Variants in KAZN observed in about 807,000 individuals in gnomAD.
KAZN encodes kazrin, periplakin interacting protein, also known as kazrin.
In KAZN, 40 loss-of-function variants were observed where a neutral mutation model predicts 87.4. That is an observed-to-expected ratio of 0.46 (90% CI 0.36 to 0.60). The LOEUF (loss-of-function observed/expected upper bound fraction) is 0.60. Among genes scored for constraint, KAZN ranks in the 20% least tolerant of loss-of-function variants. KAZN has a pLI of 0.00. For missense variants in KAZN, 898 were observed against 1,073.9 expected (o/e 0.84, Z 2.29); for synonymous variants, 466 against 458.3 (o/e 1.02, Z -0.22).
intron 1 of KAZN, among the ~76,000 whole-genome samples, chr1:14,128,191 G>C (rs1644914453): frequency 6.6e-6 from 1 of 152,120 alleles, no homozygotes; most frequent in African/African-American, 2.4e-5. Context: ...GTTTCTCAGG[G>C]GATAAGGTGG....
chr1:13,996,397 G>A (rs1233561009), intron 1 of KAZN, among the ~76,000 whole-genome samples: 2 of 152,162 alleles, frequency 1.3e-5, no homozygotes, highest in African/African-American at 4.8e-5. Context: ...CTCGAGGGAG[G>A]AGCAGCAGCC....
intron 1 of KAZN, among the ~76,000 whole-genome samples, chr1:13,980,677 G>T (rs1220254843): frequency 1.3e-5 from 2 of 152,126 alleles, no homozygotes; most frequent in Non-Finnish European, 2.9e-5. Flanking sequence ...CAGGGCTAGA[G>T]ATTTTAAGAT....
At chr1:13,964,410 T>A (rs1205366228) in intron 1 of KAZN, among the ~76,000 whole-genome samples, 1 of 152,210 alleles carries the variant, frequency 6.6e-6, no homozygotes, top group Non-Finnish European at 1.5e-5. Context: ...CCTGATGGCT[T>A]AAAACAACAA....
At chr1:14,801,084 G>A (rs1239989031) in intron 1 of KAZN, among the ~76,000 whole-genome samples, 3 of 151,708 alleles carry the variant, frequency 2.0e-5, no homozygotes, top group Non-Finnish European at 4.4e-5. Flanking sequence ...GAGAAAAAGA[G>A]TCACGGGGCG....
intron 8 of KAZN, among the ~76,000 whole-genome samples, chr1:15,084,901 T>G (rs1341206502): frequency 6.6e-6 from 1 of 152,152 alleles, no homozygotes; most frequent in Non-Finnish European, 1.5e-5. Context: ...TTAGTAATTA[T>G]CAATACCAAA....
At chr1:13,967,934 C>T (rs1642003097) in intron 1 of KAZN, among the ~76,000 whole-genome samples, 1 of 152,164 alleles carries the variant, frequency 6.6e-6, no homozygotes, top group South Asian at 2.1e-4. Context: ...CATTGGAGCT[C>T]CTGCCTCTTT....
intron 1 of KAZN, among the ~76,000 whole-genome samples, chr1:14,608,553 T>A (rs1280670937): frequency 1.3e-5 from 2 of 152,162 alleles, no homozygotes; most frequent in Non-Finnish European, 2.9e-5. Flanking sequence ...TACAACTGTT[T>A]GGATAGATTG....
chr1:15,010,705 A>T (rs535757962), intron 2 of KAZN, among the ~76,000 whole-genome samples: 10 of 152,020 alleles, frequency 6.6e-5, no homozygotes, highest in Admixed American at 5.2e-4. Flanking sequence ...TGCTTTTGTG[A>T]TATTGGCAGC....
intron 2 of KAZN, among the ~76,000 whole-genome samples, chr1:14,572,752 C>A (rs1464059349): frequency 3.3e-5 from 5 of 152,130 alleles, no homozygotes; most frequent in African/African-American, 1.2e-4. Flanking sequence ...GCCCCCCACT[C>A]CCCTGGAAGA....
At chr1:15,079,433 T>C (rs1052421198) in intron 8 of KAZN, among the ~76,000 whole-genome samples, 2 of 152,194 alleles carry the variant, frequency 1.3e-5, no homozygotes, top group African/African-American at 4.8e-5. Flanking sequence ...TTGTCACAAT[T>C]CAATACTGTT....
intron 2 of KAZN, among the ~76,000 whole-genome samples, chr1:14,542,990 G>C: frequency 6.6e-6 from 1 of 151,290 alleles, no homozygotes; most frequent in Non-Finnish European, 1.5e-5. Context: ...AATAGCATTG[G>C]GTTGGGGGGG....
intron 2 of KAZN, among the ~76,000 whole-genome samples, chr1:14,194,948 C>A (rs556690276): frequency 2.6e-5 from 4 of 152,098 alleles, no homozygotes; most frequent in Non-Finnish European, 5.9e-5. Context: ...CTTGTGCCAA[C>A]CCCTCTCCAG....
chr1:14,984,379 A>T (rs888993639), intron 2 of KAZN, among the ~76,000 whole-genome samples: 3 of 152,158 alleles, frequency 2.0e-5, no homozygotes, highest in Non-Finnish European at 4.4e-5. Context: ...CTGTCTCAAA[A>T]AAAAGAAAAA....
At chr1:14,205,441 T>C (rs1367597311) in intron 2 of KAZN, among the ~76,000 whole-genome samples, 1 of 152,200 alleles carries the variant, frequency 6.6e-6, no homozygotes, top group Non-Finnish European at 1.5e-5. Flanking sequence ...CAATTCCCAT[T>C]GTTCCATGCC....
intron 1 of KAZN, among the ~76,000 whole-genome samples, chr1:13,906,708 A>T (rs1378345646): frequency 6.6e-6 from 1 of 152,172 alleles, no homozygotes; most frequent in Non-Finnish European, 1.5e-5. Flanking sequence ...ACTGGACAAG[A>T]CATTCACCTG....
chr1:14,610,192 CTGTTTGTTTGTT>C (rs59330567), intron 1 of KAZN, among the ~76,000 whole-genome samples: 21 of 151,316 alleles, frequency 1.4e-4, no homozygotes, highest in Admixed American at 9.2e-4. Flanking sequence ...TTCCAATGAC[CTGTTTGTTTGTT>C]TGTTTGTTTG....
chr1:14,174,409 G>A (rs187920775), intron 1 of KAZN, among the ~76,000 whole-genome samples: 20 of 152,280 alleles, frequency 1.3e-4, no homozygotes, highest in African/African-American at 4.6e-4. Flanking sequence ...AGGAAGCATT[G>A]AAGAGCAGAA....
At chr1:14,813,066 A>G (rs1042206487) in intron 1 of KAZN, among the ~76,000 whole-genome samples, 8 of 152,132 alleles carry the variant, frequency 5.3e-5, no homozygotes, top group Admixed American at 2.0e-4. Context: ...GCTTATTCAG[A>G]GTTGGGTTCA....
rs112797747 is a variant in KAZN at position 14,020,514 on chromosome 1, G to T, written c.91+126758G>T. On this transcript the variant is annotated intron_variant, in intron 1 of 16. Transcript: ENST00000636203. ...CTTCACAATATGATTGAGGAATCCA[G>T]CCCTGTAGCATAATTCTTGCTGTAA... Among the ~76,000 whole-genome samples, 209 of 152,310 alleles carry T rather than the reference G, an allele frequency of 1.4e-3. 2 individuals are homozygous for T. Among genetic ancestry groups the T allele is most frequent in the African/African-American group, 5.0e-3 (206 of 41,570 alleles).
Sources: allele counts gnomAD v4.1 joint callset (sites outside exome capture counted in the v4.1 genomes callset), GRCh38; gene constraint gnomAD v4.1.1; transcripts MANE v1.5; gene names NCBI Gene and HGNC (gene_info 2026-07-23, HGNC 2026-07-21).